The following SPOCK3 variants were observed in gnomAD, a reference collection of about 807,000 sequenced individuals.
SPOCK3 encodes the protein testican-3.
In SPOCK3, 30 loss-of-function variants were observed where a neutral mutation model predicts 56.6. That is an observed-to-expected ratio of 0.53 (90% CI 0.40 to 0.72). The LOEUF is 0.72. SPOCK3 is among the 30% of genes least tolerant of loss of function. The pLI is 0.00. For synonymous variants in SPOCK3, 196 were observed against 183.3 expected (o/e 1.07, Z -0.56); for missense variants, 527 against 530.0 (o/e 0.99, Z 0.06).
chr4:167,058,181 A>G, intron 3 of SPOCK3, among the ~76,000 whole-genome samples: 1 of 152,192 alleles, frequency 6.6e-6, no homozygotes, highest in African/African-American at 2.4e-5. Context: ...AATAAAGGGT[A>G]TTCAATTAGG....
intron 4 of SPOCK3, among the ~76,000 whole-genome samples, chr4:166,943,953 G>A (rs115740986): frequency 1.2e-3 from 184 of 152,224 alleles, no homozygotes; most frequent in African/African-American, 4.4e-3. Context: ...CAAGACAAGC[G>A]TGGCCAACAA....
chr4:167,223,054 AT>A (rs1245878298), intron 2 of SPOCK3, among the ~76,000 whole-genome samples: 1 of 114,098 alleles, frequency 8.8e-6, no homozygotes, highest in Non-Finnish European at 1.7e-5. Context: ...ATGAATATAT[AT>A]TTTATATATG....
intron 2 of SPOCK3, among the ~76,000 whole-genome samples, chr4:167,168,834 A>G (rs1730236708): frequency 6.6e-6 from 1 of 152,106 alleles, no homozygotes; most frequent in South Asian, 2.1e-4. Flanking sequence ...CCAGAGGCAT[A>G]GGAGAAAAAA....
intron 2 of SPOCK3, among the ~76,000 whole-genome samples, chr4:167,203,287 C>T (rs1355776314): frequency 6.6e-6 from 1 of 151,914 alleles, no homozygotes; most frequent in African/African-American, 2.4e-5. Flanking sequence ...ATAATAGCTT[C>T]TACATAAACT....
intron 4 of SPOCK3, among the ~76,000 whole-genome samples, chr4:166,913,102 A>G (rs1737455626): frequency 1.3e-5 from 2 of 152,084 alleles, no homozygotes. Flanking sequence ...AGCCATCCTC[A>G]TGTTCCATTA....
chr4:166,958,526 C>A (rs1743778960), intron 4 of SPOCK3, among the ~76,000 whole-genome samples: 1 of 152,180 alleles, frequency 6.6e-6, no homozygotes, highest in Non-Finnish European at 1.5e-5. Flanking sequence ...TGACTCAAAT[C>A]TTGTCCTTGA....
chr4:166,844,802 T>C (rs913546191), intron 6 of SPOCK3, among the ~76,000 whole-genome samples: 5 of 152,336 alleles, frequency 3.3e-5, no homozygotes, highest in Non-Finnish European at 5.9e-5. Context: ...CTAGATCCTA[T>C]TTGTTGTCTC....
intron 4 of SPOCK3, among the ~76,000 whole-genome samples, chr4:166,940,925 G>T (rs1424949485): frequency 1.3e-5 from 2 of 150,532 alleles, no homozygotes; most frequent in Non-Finnish European, 3.0e-5. Flanking sequence ...ATCCTTATGA[G>T]CAGCCCATCC....
intron 2 of SPOCK3, among the ~76,000 whole-genome samples, chr4:167,088,442 C>A (rs1017793165): frequency 4.7e-5 from 7 of 147,662 alleles, no homozygotes; most frequent in African/African-American, 1.2e-4. Context: ...GGTTGTCTTG[C>A]AAATAACACC....
chr4:166,875,144 G>T (rs1053861842), intron 6 of SPOCK3, among the ~76,000 whole-genome samples: 12 of 151,916 alleles, frequency 7.9e-5, no homozygotes, highest in African/African-American at 2.9e-4. Flanking sequence ...ATGATAGGTT[G>T]GTTATTACTT....
At chr4:166,937,369 A>G (rs1422423081) in intron 4 of SPOCK3, among the ~76,000 whole-genome samples, 1 of 149,854 alleles carries the variant, frequency 6.7e-6, no homozygotes, top group East Asian at 1.9e-4. Flanking sequence ...ATATATACAT[A>G]TACATATATA....
chr4:167,144,777 T>G (rs201431733), intron 2 of SPOCK3, among the ~76,000 whole-genome samples: 6 of 34,494 alleles, frequency 1.7e-4, no homozygotes, highest in Non-Finnish European at 4.6e-4. Context: ...AATCTTGATG[T>G]GGAAGCAACA....
At chr4:167,176,264 G>A (rs1042911082) in intron 2 of SPOCK3, among the ~76,000 whole-genome samples, 3 of 152,094 alleles carry the variant, frequency 2.0e-5, no homozygotes, top group African/African-American at 7.2e-5. Flanking sequence ...CTTTTGCTAT[G>A]TAAAGTAATA....
At position 166,837,910 on chromosome 4, in the gene SPOCK3, C is replaced by A. The variant is rs994590312; in HGVS notation, c.590-45621G>T. Reference sequence around the variant, plus strand: ...TTCATCTGAAAATGTTTTGATGTTCCCTTAATTCTTGAAAGATATTTTCAC... The same window carrying A: ...TTCATCTGAAAATGTTTTGATGTTCACTTAATTCTTGAAAGATATTTTCAC... On this transcript the variant is annotated intron_variant, in intron 6 of 10. Transcript: ENST00000357545. 1.3e-4 allele frequency among the ~76,000 whole-genome samples: 20 copies of A among 152,136 alleles called. 1 individual carries two copies. Among genetic ancestry groups the A allele is most frequent in the Non-Finnish European group, 1.5e-4 (10 of 67,994 alleles).
intron 6 of SPOCK3, among the ~76,000 whole-genome samples, chr4:166,824,887 C>T (rs1388760126): frequency 1.3e-5 from 2 of 152,016 alleles, no homozygotes; most frequent in Non-Finnish European, 2.9e-5. Context: ...ATACACTTTA[C>T]TACAGTTGTA....
At chr4:167,163,950 GAA>G (rs750112416) in intron 2 of SPOCK3, among the ~76,000 whole-genome samples, 5 of 152,062 alleles carry the variant, frequency 3.3e-5, no homozygotes, top group Non-Finnish European at 5.9e-5. Flanking sequence ...TCTATTAGAA[GAA>G]AAGTCTTCAT....
chr4:167,016,315 G>T (rs994034781), intron 3 of SPOCK3, among the ~76,000 whole-genome samples: 13 of 152,078 alleles, frequency 8.5e-5, no homozygotes. Flanking sequence ...TGAAACATGA[G>T]ATTCCAAAGT....
intron 3 of SPOCK3, among the ~76,000 whole-genome samples, chr4:167,037,551 G>A: frequency 6.6e-6 from 1 of 151,430 alleles, no homozygotes; most frequent in South Asian, 2.1e-4. Context: ...AGGATTTTTT[G>A]AAATATCTAA....
intron 2 of SPOCK3, among the ~76,000 whole-genome samples, chr4:167,063,370 G>T (rs1445579788): frequency 1.3e-5 from 2 of 151,698 alleles, no homozygotes; most frequent in Non-Finnish European, 2.9e-5. Flanking sequence ...TATCACTGTT[G>T]AAATTAACAT....
Sources: gnomAD v4.1 joint callset for allele counts (sites outside exome capture counted in the v4.1 genomes callset) on GRCh38, gnomAD v4.1.1 for gene constraint, MANE v1.5 for transcripts, NCBI Gene and HGNC (gene_info 2026-07-23, HGNC 2026-07-21) for gene names.